NAV2: variants seen among roughly 807,000 people sequenced by gnomAD.
The protein encoded by NAV2 is neuron navigator 2.
A neutral mutation model predicts 223.2 loss-of-function variants in NAV2; 54 were observed. The observed-to-expected ratio is 0.24, with a 90% confidence interval of 0.19 to 0.30. The LOEUF is 0.30. NAV2 is among the 10% of genes least tolerant of loss of function. NAV2 has a pLI of 1.00. For missense variants in NAV2, 2,806 were observed against 3,147.5 expected (o/e 0.89, Z 2.60); for synonymous variants, 1,279 against 1,239.3 (o/e 1.03, Z -0.67).
At chr11:19,457,872 G>A (rs1210339678) in intron 1 of NAV2, among the ~76,000 whole-genome samples, 3 of 152,198 alleles carry the variant, frequency 2.0e-5, no homozygotes, top group Non-Finnish European at 4.4e-5. Flanking sequence ...TTGCCCCCAA[G>A]AAATAATTAC....
chr11:19,904,506 C>T (rs951741859), intron 6 of NAV2, among the ~76,000 whole-genome samples: 2 of 152,162 alleles, frequency 1.3e-5, no homozygotes, highest in African/African-American at 4.8e-5. Context: ...GGGTGAGACC[C>T]ATAGCCAAAG....
chr11:19,653,507 G>A (rs1018976614), intron 1 of NAV2, among the ~76,000 whole-genome samples: 1 of 152,186 alleles, frequency 6.6e-6, no homozygotes, highest in African/African-American at 2.4e-5. Flanking sequence ...TTGCAGATAA[G>A]AAAACTCAGG....
chr11:20,023,535 T>C (rs1345196115), intron 11 of NAV2, among the ~76,000 whole-genome samples: 1 of 152,038 alleles, frequency 6.6e-6, no homozygotes, highest in Non-Finnish European at 1.5e-5. Context: ...TTTCAGCTGG[T>C]GGGGGCAGTA....
At chr11:19,481,477 G>A (rs2042278709) in intron 1 of NAV2, among the ~76,000 whole-genome samples, 1 of 152,190 alleles carries the variant, frequency 6.6e-6, no homozygotes, top group Admixed American at 6.5e-5. Flanking sequence ...ATGACATGCT[G>A]AAGGCAGAAA....
chr11:19,842,659 T>C (rs571986286), intron 2 of NAV2, among the ~76,000 whole-genome samples: 4 of 152,340 alleles, frequency 2.6e-5, no homozygotes, highest in Non-Finnish European at 4.4e-5. Flanking sequence ...CTGTTTTAGA[T>C]GACGACCTTG....
intron 1 of NAV2, among the ~76,000 whole-genome samples, chr11:19,522,970 C>G (rs768164672): frequency 3.3e-5 from 5 of 152,206 alleles, no homozygotes; most frequent in Admixed American, 6.5e-5. Flanking sequence ...ATATCATCCA[C>G]AGTTGAGGAC....
chr11:19,578,454 A>G (rs1185694434), intron 1 of NAV2, among the ~76,000 whole-genome samples: 1 of 152,142 alleles, frequency 6.6e-6, no homozygotes, highest in Non-Finnish European at 1.5e-5. Context: ...TCGACTTGGG[A>G]GATTCACTGG....
chr11:19,651,604 C>T (rs927367951), intron 1 of NAV2, among the ~76,000 whole-genome samples: 11 of 152,138 alleles, frequency 7.2e-5, no homozygotes, highest in Non-Finnish European at 8.8e-5. Context: ...ACCTCAGTTT[C>T]CTCATCTTTA....
intron 26 of NAV2, among the ~76,000 whole-genome samples, chr11:20,085,068 C>T (rs1197441129): frequency 2.7e-5 from 3 of 112,420 alleles, no homozygotes; most frequent in Non-Finnish European, 5.9e-5. Flanking sequence ...GTGTTGCATA[C>T]TTGTAGTCCC....
chr11:19,859,495 T>G (rs1478196463), intron 3 of NAV2, among the ~76,000 whole-genome samples: 2 of 149,248 alleles, frequency 1.3e-5, no homozygotes, highest in Non-Finnish European at 3.0e-5. Context: ...GGCAGAAGAA[T>G]TTTTCTTAGT....
chr11:19,895,157 T>G (rs1239102193), intron 6 of NAV2, among the ~76,000 whole-genome samples: 1 of 133,786 alleles, frequency 7.5e-6, no homozygotes, highest in Non-Finnish European at 1.5e-5. Flanking sequence ...TCAATCAGGC[T>G]GGAGTGCAGT....
intron 1 of NAV2, among the ~76,000 whole-genome samples, chr11:19,749,867 G>C (rs2053660370): frequency 6.6e-6 from 1 of 152,256 alleles, no homozygotes; most frequent in South Asian, 2.1e-4. Flanking sequence ...GTCATCTGCG[G>C]AGAGGCCTGC....
At chr11:20,048,218 TAGGCCCCCTCC>T (rs1306797304) in intron 14 of NAV2, among the ~76,000 whole-genome samples, 2 of 152,330 alleles carry the variant, frequency 1.3e-5, no homozygotes, top group African/African-American at 4.8e-5. Flanking sequence ...ACATTTTTCC[TAGGCCCCCTCC>T]AGATCTAAAT....
intron 1 of NAV2, among the ~76,000 whole-genome samples, chr11:19,698,249 G>A (rs908347214): frequency 6.6e-6 from 1 of 152,206 alleles, no homozygotes; most frequent in Admixed American, 6.5e-5. Context: ...TCTGTAAAAT[G>A]AGGTGGCCAT....
chr11:19,410,061 C>T (rs754352807), intron 1 of NAV2, among the ~76,000 whole-genome samples: 3 of 152,196 alleles, frequency 2.0e-5, no homozygotes, highest in Non-Finnish European at 4.4e-5. Context: ...TCCACAGCTT[C>T]TCCCTGCCAA....
rs773132199 is a variant in NAV2, at chr11:19,879,915, C to T, written c.558C>T (p.Ser186=). The part of the protein sequence containing the change: ...NLKAILGLFF[S]LSRYKQQQQQ... ...AGGCCATTCTAGGCCTCTTCTTCAG[C>T]CTCTCCCGATACAAGCAGCAGCAGC... The change falls in exon 5 of 38, where the codon AGC becomes AGT. Residue 186 remains serine (S), a synonymous_variant. Coordinates refer to ENST00000349880, the MANE Select transcript of NAV2 (RefSeq NM_145117.5). 1.2e-6 allele frequency: 2 copies of T among 1,613,812 alleles called. No individual in the cohort carries two copies. The highest frequency in any genetic ancestry group is 1.1e-5 in the South Asian group (1 of 91,084).
intron 1 of NAV2, among the ~76,000 whole-genome samples, chr11:19,698,144 G>A (rs573657298): frequency 9.9e-5 from 15 of 152,230 alleles, no homozygotes; most frequent in South Asian, 8.3e-4. Context: ...GGGTGTAATC[G>A]TTACACACAT....
At chr11:19,401,484 A>C (rs1849683366) in intron 1 of NAV2, among the ~76,000 whole-genome samples, 1 of 152,222 alleles carries the variant, frequency 6.6e-6, no homozygotes, top group African/African-American at 2.4e-5. Flanking sequence ...ACATTTATGA[A>C]ATCACAACTG....
Position 19,538,466 on chromosome 11 carries a change from G to A in NAV2, c.75+187439G>A, listed in dbSNP as rs573024680. ...CGCAATCCTTCTACCTCAGCCTCCC[G>A]TGTAGCTGGGACTACAGGTGCACAC... On this transcript the variant is annotated intron_variant, in intron 1 of 37. Transcript: ENST00000360655. Among the ~76,000 whole-genome samples the A allele has an allele frequency of 3.1e-4, 47 of 151,832 alleles. 1 individual carries two copies. Among genetic ancestry groups the A allele is most frequent in the South Asian group, 1.7e-3 (8 of 4,786 alleles).
Sources: allele counts gnomAD v4.1 joint callset (sites outside exome capture counted in the v4.1 genomes callset), GRCh38; gene constraint gnomAD v4.1.1; transcripts MANE v1.5; gene names NCBI Gene and HGNC (gene_info 2026-07-23, HGNC 2026-07-21).